The following AFF1 variants were observed in gnomAD, a reference collection of about 807,000 sequenced individuals.
The protein encoded by AFF1 is ALF transcription elongation factor 1.
Under a neutral mutation model 121.7 loss-of-function variants are expected in AFF1, and 48 were observed. That is an observed-to-expected ratio of 0.39 (90% CI 0.31 to 0.50). The LOEUF (loss-of-function observed/expected upper bound fraction) is 0.50, where lower values mean the gene tolerates loss of function less well. Among genes scored for constraint, AFF1 ranks in the 20% least tolerant of loss-of-function variants. The pLI is 0.76. For synonymous variants in AFF1, 613 were observed against 563.0 expected, an observed-to-expected ratio of 1.09 and a Z score of -1.26; for missense variants, 1,523 against 1,511.7, an observed-to-expected ratio of 1.01 and a Z score of -0.12.
chr4:87,065,809 C>A (rs3775227), intron 4 of AFF1, among the ~76,000 whole-genome samples: 1 of 152,134 alleles, frequency 6.6e-6, no homozygotes, highest in African/African-American at 2.4e-5. Flanking sequence ...TTTTCCCCCC[C>A]CTTTCTCTGT....
chr4:87,023,437 C>T (rs958742399), intron 2 of AFF1, among the ~76,000 whole-genome samples: 1 of 151,518 alleles, frequency 6.6e-6, no homozygotes, highest in Non-Finnish European at 1.5e-5. Context: ...AAAACTGTGC[C>T]TAAACTGAAG....
At chr4:87,063,778 A>G (rs1404519312) in intron 4 of AFF1, among the ~76,000 whole-genome samples, 1 of 152,226 alleles carries the variant, frequency 6.6e-6, no homozygotes, top group African/African-American at 2.4e-5. Flanking sequence ...ATTGTGAGAT[A>G]TACCACCTTT....
intron 2 of AFF1, among the ~76,000 whole-genome samples, chr4:87,020,313 A>G (rs1341006385): frequency 1.3e-5 from 2 of 152,230 alleles, no homozygotes; most frequent in Admixed American, 1.3e-4. Context: ...CCATGTAAGA[A>G]AGAACGTATT....
At chr4:86,985,218 A>AT (rs1724146755) in intron 2 of AFF1, among the ~76,000 whole-genome samples, 13 of 86,374 alleles carry the variant, frequency 1.5e-4, no homozygotes, top group African/African-American at 6.7e-5. Flanking sequence ...TATATATAAA[A>AT]TTATATTTTA....
chr4:86,937,792 G>T (rs1177653345), intron 1 of AFF1, among the ~76,000 whole-genome samples: 8 of 78,776 alleles, frequency 1.0e-4, no homozygotes, highest in Non-Finnish European at 3.1e-5. Flanking sequence ...TGGGGGTGGG[G>T]GTGGGGGGCT....
At chr4:86,998,282 T>A (rs1485415602) in intron 2 of AFF1, among the ~76,000 whole-genome samples, 1 of 152,132 alleles carries the variant, frequency 6.6e-6, no homozygotes, top group Non-Finnish European at 1.5e-5. Flanking sequence ...CAGATGTCCC[T>A]GGAGACATGC....
Position 86,950,681 on chromosome 4 carries a change from T to C in AFF1, c.38+2110T>C, listed in dbSNP as rs571311026. Among the ~76,000 whole-genome samples, 6 of 152,298 alleles carry C rather than the reference T, an allele frequency of 3.9e-5. No homozygotes were observed. In the South Asian group the frequency reaches 1.0e-3, roughly 26 times the overall value. ...TAGGAAATTATTCAATTCCTGGTCA[T>C]CATTGTGGGCTGCTAAACTTGGTTT... On this transcript the variant is annotated intron_variant, in intron 2 of 20. Coordinates refer to ENST00000395146, the MANE Select transcript of AFF1 (RefSeq NM_001166693.3).
Position 87,127,634 on chromosome 4 carries a change from C to CT in AFF1, c.2904-4dup. ...ATATGACCTGTCCCTGGTTTTTCCT[C>CT]TTTTTCAGACAACAAGCAGACCTTC... On this transcript the variant is annotated splice_polypyrimidine_tract_variant and intron_variant, in intron 15 of 20. Coordinates refer to ENST00000395146, the MANE Select transcript of AFF1 (RefSeq NM_001166693.3). 1 of 1,613,864 alleles carries CT rather than the reference C, an allele frequency of 6.2e-7. No individual in the cohort carries two copies. The highest frequency in any genetic ancestry group is 1.3e-5 in the African/African-American group (1 of 74,998).
At chr4:87,086,774 C>G (rs1723780745) in intron 5 of AFF1, among the ~76,000 whole-genome samples, 1 of 152,208 alleles carries the variant, frequency 6.6e-6, no homozygotes, top group African/African-American at 2.4e-5. Flanking sequence ...CCGTTCTCAT[C>G]TTGTACCAGC....
chr4:86,941,174 C>G (rs996385953), intron 1 of AFF1, among the ~76,000 whole-genome samples: 4 of 152,124 alleles, frequency 2.6e-5, no homozygotes, highest in Non-Finnish European at 4.4e-5. Context: ...AGGAGACTAT[C>G]CCTAATTTTC....
chr4:87,021,324 T>C (rs991975902), intron 2 of AFF1, among the ~76,000 whole-genome samples: 3 of 152,248 alleles, frequency 2.0e-5, no homozygotes, highest in African/African-American at 7.2e-5. Context: ...CAGGGACTCC[T>C]GAGTCACTCA....
chr4:87,068,738 T>C (rs1578185375), intron 4 of AFF1, among the ~76,000 whole-genome samples: 1 of 152,192 alleles, frequency 6.6e-6, no homozygotes, highest in African/African-American at 2.4e-5. Flanking sequence ...GAGTTATGCC[T>C]GGGAGCACTC....
At position 87,131,231 on chromosome 4, in the gene AFF1, G is replaced by A. The variant is rs1464623998; in HGVS notation, c.3101+12G>A. 6 of 1,613,480 alleles carry A rather than the reference G, an allele frequency of 3.7e-6. No individual in the cohort carries two copies. In the African/African-American group the frequency reaches 6.7e-5, roughly 18 times the overall value. On this transcript the variant is annotated intron_variant, in intron 17 of 20. Transcript: ENST00000395146. ...GTAGATCTCATTAAGTAAGTGCCGAGTCATTGTGCTTTCCTCTTAAGTCCT... is the reference window on the plus strand; with the variant it reads ...GTAGATCTCATTAAGTAAGTGCCGAATCATTGTGCTTTCCTCTTAAGTCCT...
At chr4:87,119,207 T>C (rs1727424514) in intron 12 of AFF1, among the ~76,000 whole-genome samples, 1 of 152,058 alleles carries the variant, frequency 6.6e-6, no homozygotes, top group Admixed American at 6.6e-5. Flanking sequence ...TTTTTCCAGA[T>C]TTGGAAGAAA....
rs769526213 is a variant in AFF1, at chr4:87,127,099, C to T, written c.2885C>T (p.Pro962Leu). The T allele has an allele frequency of 5.0e-6, 8 of 1,613,216 alleles. No individual in the cohort carries two copies. Among genetic ancestry groups the T allele is most frequent in the Non-Finnish European group, 5.1e-6 (6 of 1,179,718 alleles). ...LPNGNSKPGK[P>L]QVKFDKQQAD... ...AATGGTAACTCTAAACCAGGGAAGC[C>T]TCAAGTGAAGTTTGACAAGTAAGAC... Residue 962 changes from proline (P) to leucine (L), a missense_variant, in exon 15 of 21, where the codon CCT becomes CTT. Physicochemically the swap from Pro to Leu is moderately conservative, Grantham distance 98 (BLOSUM62 -3). This residue lies in a region of AFF1 where 905 missense variants were observed against 842.5 expected (regional missense o/e 1.07). Coordinates refer to ENST00000395146, the MANE Select transcript of AFF1 (RefSeq NM_001166693.3).
intron 12 of AFF1, among the ~76,000 whole-genome samples, chr4:87,116,510 G>T (rs937154486): frequency 3.3e-5 from 5 of 152,166 alleles, no homozygotes; most frequent in Admixed American, 3.3e-4. Flanking sequence ...GTAAGTATGT[G>T]AAAAACTTCT....
chr4:87,088,409 C>T (rs1048886048), intron 5 of AFF1, among the ~76,000 whole-genome samples: 2 of 152,176 alleles, frequency 1.3e-5, no homozygotes, highest in African/African-American at 4.8e-5. Context: ...CAACGGGAGA[C>T]CTGCACATAG....
chr4:87,114,630 G>A lies in AFF1; in HGVS notation c.1797G>A (p.Gln599=), dbSNP rs759775834. 2.0e-6 allele frequency: 3 copies of A among 1,506,742 alleles called. No homozygotes were observed. Among genetic ancestry groups the A allele is most frequent in the Admixed American group, 1.8e-5 (1 of 55,198 alleles). 93.3% of individuals were successfully genotyped at this position (1,506,742 alleles called of 1,614,324 possible). The change falls in exon 12 of 21, where the codon CAG becomes CAA. Residue 599 remains glutamine (Q), a synonymous_variant. Transcript: ENST00000395146. ...KRSCQKSPAQ[Q]EPPQRQTVGT... is the part of the protein sequence containing the mutation. ...GCTGTCAGAAGTCTCCGGCACAGCAGGAGCCCCCACAAAGGCAAACCGTTG... is the reference window on the plus strand; with the variant it reads ...GCTGTCAGAAGTCTCCGGCACAGCAAGAGCCCCCACAAAGGCAAACCGTTG...
intron 8 of AFF1, among the ~76,000 whole-genome samples, chr4:87,097,898 G>A (rs189873966): frequency 2.6e-5 from 4 of 152,240 alleles, no homozygotes; most frequent in East Asian, 1.9e-4. Context: ...TAGTGCTCGC[G>A]GGTTGATTTG....
Sources: gnomAD v4.1 joint callset for allele counts (sites outside exome capture counted in the v4.1 genomes callset) on GRCh38, gnomAD v4.1.1 for gene constraint, gnomAD v4.1.1 regional missense constraint, MANE v1.5 for transcripts, NCBI Gene and HGNC (gene_info 2026-07-23, HGNC 2026-07-21) for gene names.